The following SORCS1 variants were observed in gnomAD, a reference collection of about 807,000 sequenced individuals.
The protein encoded by SORCS1 is VPS10 domain-containing receptor SorCS1.
A neutral mutation model predicts 146.1 loss-of-function variants in SORCS1; 60 were observed. The observed-to-expected ratio is 0.41, with a 90% confidence interval of 0.33 to 0.51. The LOEUF (loss-of-function observed/expected upper bound fraction) is 0.51. Among genes scored for constraint, SORCS1 ranks in the 20% least tolerant of loss-of-function variants. SORCS1 has a pLI of 0.21. For synonymous variants in SORCS1, 637 were observed against 584.0 expected, an observed-to-expected ratio of 1.09 and a Z score of -1.31; for missense variants, 1,352 against 1,487.6, an observed-to-expected ratio of 0.91 and a Z score of 1.50.
At chr10:107,041,027 T>C (rs546617724) in intron 1 of SORCS1, among the ~76,000 whole-genome samples, 16 of 152,244 alleles carry the variant, frequency 1.1e-4, no homozygotes, top group African/African-American at 3.9e-4. Context: ...TTAAATAATA[T>C]TTTATTGTAC....
At chr10:106,719,781 C>T (rs1855652995) in intron 6 of SORCS1, among the ~76,000 whole-genome samples, 1 of 152,172 alleles carries the variant, frequency 6.6e-6, no homozygotes, top group Non-Finnish European at 1.5e-5. Context: ...ATAAGAGATG[C>T]TCAACAAAGA....
chr10:106,612,078 T>C (rs1050100004), intron 21 of SORCS1, 55 bp from the exon 22 acceptor site: 3 of 1,349,794 alleles, frequency 2.2e-6, no homozygotes, highest in Non-Finnish European at 3.2e-6. Context: ...TGTCAAGAGG[T>C]TTGTTAGACT....
At chr10:106,957,155 GT>G (rs373309411) in intron 1 of SORCS1, among the ~76,000 whole-genome samples, 4 of 136,430 alleles carry the variant, frequency 2.9e-5, no homozygotes, top group Non-Finnish European at 6.0e-5. Flanking sequence ...TTAGCATGTG[GT>G]TTTTTTTTGT....
At chr10:106,707,170 GTC>G (rs1854591575) in intron 7 of SORCS1, among the ~76,000 whole-genome samples, 1 of 146,432 alleles carries the variant, frequency 6.8e-6, no homozygotes, top group African/African-American at 2.5e-5. Flanking sequence ...TTCAATCTAG[GTC>G]TCTTCTATTT....
At chr10:106,936,097 C>G (rs1953698883) in intron 2 of SORCS1, among the ~76,000 whole-genome samples, 2 of 152,144 alleles carry the variant, frequency 1.3e-5, no homozygotes, top group African/African-American at 4.8e-5. Flanking sequence ...AGGAAGCTAT[C>G]TATTCTTAAA....
intron 2 of SORCS1, among the ~76,000 whole-genome samples, chr10:106,871,797 G>C (rs185486848): frequency 6.6e-6 from 1 of 152,210 alleles, no homozygotes; most frequent in African/African-American, 2.4e-5. Context: ...TGCCTACTTG[G>C]CTTAATATCT....
At chr10:106,806,804 C>T (rs1339123414) in intron 3 of SORCS1, among the ~76,000 whole-genome samples, 3 of 151,948 alleles carry the variant, frequency 2.0e-5, no homozygotes, top group South Asian at 2.1e-4. Context: ...CGTGAGCCAC[C>T]GCACCCGGAG....
intron 2 of SORCS1, among the ~76,000 whole-genome samples, chr10:106,832,736 T>C (rs1003620418): frequency 6.6e-6 from 1 of 152,110 alleles, no homozygotes; most frequent in Non-Finnish European, 1.5e-5. Flanking sequence ...GCTATATTAA[T>C]AAATTTAGCC....
At chr10:106,620,398 C>T (rs781008659) in intron 20 of SORCS1, 30 bp downstream of exon 20, 12 of 1,600,826 alleles carry the variant, frequency 7.5e-6, no homozygotes, top group Non-Finnish European at 9.4e-6. Flanking sequence ...GAGCTTCTGT[C>T]CCTAGATCGC....
chr10:106,851,885 C>A (rs1202340840), intron 2 of SORCS1, among the ~76,000 whole-genome samples: 1 of 151,998 alleles, frequency 6.6e-6, no homozygotes, highest in Non-Finnish European at 1.5e-5. Context: ...ATCAGAGCTT[C>A]ATAGTTCTCC....
chr10:107,035,269 A>AAC (rs199667269), intron 1 of SORCS1, among the ~76,000 whole-genome samples: 2,151 of 144,760 alleles, frequency 0.015, 85 homozygotes, highest in African/African-American at 0.053. Flanking sequence ...CTTCAAAAAA[A>AAC]AAAAAACAAC....
chr10:106,730,007 A>T, intron 6 of SORCS1, 43 bp downstream of exon 6: 1 of 1,591,786 alleles, frequency 6.3e-7, no homozygotes, highest in Non-Finnish European at 8.6e-7. Context: ...GAGTCATAGA[A>T]CTAATATTAC....
At chr10:107,104,818 T>C (rs1438600890) in intron 1 of SORCS1, among the ~76,000 whole-genome samples, 1 of 152,122 alleles carries the variant, frequency 6.6e-6, no homozygotes, top group African/African-American at 2.4e-5. Flanking sequence ...AGGTTCTAAG[T>C]TATAGGAAAG....
chr10:106,823,102 C>A (rs1399746136), intron 3 of SORCS1, among the ~76,000 whole-genome samples: 1 of 152,014 alleles, frequency 6.6e-6, no homozygotes, highest in Non-Finnish European at 1.5e-5. Context: ...ATGAATGAAA[C>A]ATACATCCTT....
intron 2 of SORCS1, among the ~76,000 whole-genome samples, chr10:106,835,356 A>T (rs1436352362): frequency 6.6e-6 from 1 of 152,214 alleles, no homozygotes; most frequent in Non-Finnish European, 1.5e-5. Context: ...CAAACTATAA[A>T]TGATAGCTTT....
chr10:106,806,679 C>A (rs1247933125), intron 3 of SORCS1, among the ~76,000 whole-genome samples: 1 of 151,342 alleles, frequency 6.6e-6, no homozygotes, highest in Non-Finnish European at 1.5e-5. Context: ...CCTCGCCCAG[C>A]TAATTTTTCG....
chr10:106,763,709 C>A (rs577579125), intron 4 of SORCS1, among the ~76,000 whole-genome samples: 1 of 152,148 alleles, frequency 6.6e-6, no homozygotes, highest in African/African-American at 2.4e-5. Flanking sequence ...AGATTCCTAC[C>A]GGTCTCATCT....
intron 1 of SORCS1, among the ~76,000 whole-genome samples, chr10:106,957,732 T>C (rs1333964646): frequency 6.6e-6 from 1 of 152,202 alleles, no homozygotes; most frequent in Non-Finnish European, 1.5e-5. Flanking sequence ...CGTAGAATTG[T>C]GGAATGCTAA....
rs553729294 is a variant in SORCS1 at position 106,634,579 on chromosome 10, C to T, written c.2476-5191G>A. Among the ~76,000 whole-genome samples, 124 of 152,272 alleles carry T rather than the reference C, an allele frequency of 8.1e-4. 1 individual carries two copies. Among genetic ancestry groups the T allele is most frequent in the African/African-American group, 2.9e-3 (121 of 41,560 alleles). On this transcript the variant is annotated intron_variant, in intron 18 of 25. Coordinates refer to ENST00000263054, the MANE Select transcript of SORCS1 (RefSeq NM_052918.5). Reference sequence around the variant, plus strand: ...TTGAGTTTCTTTAATTGAAATTACTCGCAATATTTCTTTCAGACCAAGAGG... The same window carrying T: ...TTGAGTTTCTTTAATTGAAATTACTTGCAATATTTCTTTCAGACCAAGAGG...
Sources: gnomAD v4.1 joint callset for allele counts (sites outside exome capture counted in the v4.1 genomes callset) on GRCh38, gnomAD v4.1.1 for gene constraint, MANE v1.5 for transcripts, NCBI Gene and HGNC (gene_info 2026-07-23, HGNC 2026-07-21) for gene names.